Variants in RGS6 observed in about 807,000 individuals in gnomAD.
RGS6 encodes the protein regulator of G protein signaling 6.
Under a neutral mutation model 78.5 loss-of-function variants are expected in RGS6, and 30 were observed. The observed-to-expected ratio is 0.38, with a 90% confidence interval of 0.29 to 0.52. The LOEUF (loss-of-function observed/expected upper bound fraction) is 0.52, where lower values mean the gene tolerates loss of function less well. Among genes scored for constraint, RGS6 ranks in the 20% least tolerant of loss-of-function variants. RGS6 has a pLI of 0.85. For missense variants in RGS6, 495 were observed against 609.7 expected (o/e 0.81, Z 1.98); for synonymous variants, 206 against 206.0 (o/e 1.00, Z 0.00).
At chr14:72,384,264 A>G (rs1375036368) in intron 3 of RGS6, among the ~76,000 whole-genome samples, 2 of 152,222 alleles carry the variant, frequency 1.3e-5, no homozygotes, top group Admixed American at 6.5e-5. Flanking sequence ...TGGAGTTTAT[A>G]TTTGCATTTT....
rs546696186 is a variant in RGS6, at chr14:72,178,716, G to T, written c.85-173379G>T. Among the ~76,000 whole-genome samples the T allele has an allele frequency of 6.6e-4, 101 of 152,316 alleles. 1 individual carries two copies. The highest frequency in any genetic ancestry group is 6.3e-4 in the Non-Finnish European group (43 of 68,028). ...TACTGACGCATTACTGACACCTAGG[G>T]ATAGGCTACCTAAATTGCAGGGTCG... On this transcript the variant is annotated intron_variant, in intron 2 of 17. Coordinates refer to ENST00000553525, the MANE Select transcript of RGS6 (RefSeq NM_001204424.2).
intron 3 of RGS6, among the ~76,000 whole-genome samples, chr14:72,412,779 T>A (rs1388861189): frequency 1.3e-5 from 2 of 152,118 alleles, no homozygotes; most frequent in Non-Finnish European, 2.9e-5. Context: ...CTTTGTTCTC[T>A]TTGGTTTCAA....
intron 2 of RGS6, among the ~76,000 whole-genome samples, chr14:72,158,674 C>T (rs1324807282): frequency 1.3e-5 from 2 of 152,116 alleles, no homozygotes; most frequent in African/African-American, 4.8e-5. Context: ...AGATAATTTC[C>T]GTAAACATGC....
At position 72,562,980 on chromosome 14, in the gene RGS6, G is replaced by A; in HGVS notation, c.*513G>A. The A allele has an allele frequency of 1.7e-6, 1 of 591,298 alleles. No individual in the cohort carries two copies. The highest frequency in any genetic ancestry group is 2.8e-5 in the East Asian group (1 of 35,388). The allele number at this position is 591,298 out of a possible 1,614,324, so 36.6% of individuals were successfully genotyped here. A position where few individuals can be genotyped will look rare whatever the true frequency, so the allele number is the denominator to read the frequency against. ...GCCGCCTGTCATCCCTCACGTCTCTGTGGCCACCCGGGTGTCACTGCCAGC... is the reference window on the plus strand; with the variant it reads ...GCCGCCTGTCATCCCTCACGTCTCTATGGCCACCCGGGTGTCACTGCCAGC... On this transcript the variant is annotated 3_prime_UTR_variant, in exon 18 of 18. Coordinates refer to ENST00000553525, the MANE Select transcript of RGS6 (RefSeq NM_001204424.2).
chr14:71,882,376 C>A, the RGS6 span, among the ~76,000 whole-genome samples: 1 of 152,208 alleles, frequency 6.6e-6, no homozygotes, highest in South Asian at 2.1e-4. Flanking sequence ...ATTTAGGTTG[C>A]TTCCCCCTTT....
chr14:72,249,193 C>T (rs901876634), intron 2 of RGS6, among the ~76,000 whole-genome samples: 5 of 152,028 alleles, frequency 3.3e-5, no homozygotes, highest in African/African-American at 1.2e-4. Context: ...AGTCTTCAGG[C>T]TTAAATACCA....
chr14:71,939,944 G>A (rs528058703), intron 1 of RGS6, among the ~76,000 whole-genome samples: 7 of 152,244 alleles, frequency 4.6e-5, no homozygotes, highest in South Asian at 4.2e-4. Context: ...CATAATAGCC[G>A]TCACCCTACT....
chr14:72,252,094 A>G (rs543894855), intron 2 of RGS6, among the ~76,000 whole-genome samples: 2 of 152,322 alleles, frequency 1.3e-5, no homozygotes, highest in Non-Finnish European at 2.9e-5. Flanking sequence ...AGATGGATGC[A>G]CTTGTGCTTT....
intron 3 of RGS6, among the ~76,000 whole-genome samples, chr14:72,381,457 A>G (rs2086079169): frequency 6.6e-6 from 1 of 152,154 alleles, no homozygotes; most frequent in Non-Finnish European, 1.5e-5. Context: ...TAAAACAACT[A>G]GAAATAAAAG....
At chr14:71,984,043 C>T (rs1264719732) in intron 2 of RGS6, among the ~76,000 whole-genome samples, 3 of 152,060 alleles carry the variant, frequency 2.0e-5, no homozygotes, top group Non-Finnish European at 4.4e-5. Flanking sequence ...AAGAGTGATG[C>T]AGAACTCAGG....
At chr14:72,613,025 TG>T in the RGS6 span, among the ~76,000 whole-genome samples, 1 of 151,722 alleles carries the variant, frequency 6.6e-6, no homozygotes, top group Non-Finnish European at 1.5e-5. Context: ...TGTGTGTGTG[TG>T]TGTGTATGTG....
intron 3 of RGS6, among the ~76,000 whole-genome samples, chr14:72,362,321 AT>A (rs1484137056): frequency 6.6e-6 from 1 of 152,208 alleles, no homozygotes; most frequent in African/African-American, 2.4e-5. Flanking sequence ...TGTCTAGAAT[AT>A]TTCTCTGAGA....
rs142284053 is a variant in RGS6 at position 72,084,120 on chromosome 14, A to T, written c.84+119245A>T. On this transcript the variant is annotated intron_variant, in intron 2 of 17. Transcript: ENST00000553525. ...CTAAGGACAAGTTTTGTGGAAGACA[A>T]TTTTTCCCTGGATCTTGAGGGGAGG... Among the ~76,000 whole-genome samples, 657 of 152,232 alleles carry T rather than the reference A, an allele frequency of 4.3e-3. 4 individuals carry two copies. Among genetic ancestry groups the T allele is most frequent in the African/African-American group, 0.014 (602 of 41,526 alleles).
At chr14:72,427,883 A>T (rs2094490738) in intron 3 of RGS6, among the ~76,000 whole-genome samples, 1 of 152,198 alleles carries the variant, frequency 6.6e-6, no homozygotes, top group African/African-American at 2.4e-5. Context: ...AGCCAAAATA[A>T]TCAGGAATTT....
chr14:72,404,456 C>A (rs957659584), intron 3 of RGS6, among the ~76,000 whole-genome samples: 1 of 152,154 alleles, frequency 6.6e-6, no homozygotes, highest in African/African-American at 2.4e-5. Context: ...TGAGAACCAC[C>A]CTTTACCCCA....
intron 2 of RGS6, among the ~76,000 whole-genome samples, chr14:71,988,008 G>A (rs2094794716): frequency 1.3e-5 from 2 of 151,970 alleles, no homozygotes; most frequent in Non-Finnish European, 2.9e-5. Context: ...ACTCTGCCAA[G>A]GCCTCTCTTT....
intron 3 of RGS6, among the ~76,000 whole-genome samples, chr14:72,423,520 G>T (rs1398993285): frequency 6.6e-6 from 1 of 152,212 alleles, no homozygotes; most frequent in Non-Finnish European, 1.5e-5. Flanking sequence ...ATTCTTCACA[G>T]CAACAGGAAT....
intron 2 of RGS6, among the ~76,000 whole-genome samples, chr14:71,984,018 C>G (rs151320092): frequency 6.4e-4 from 98 of 152,254 alleles, no homozygotes; most frequent in Middle Eastern, 3.4e-3. Context: ...ACTTTACTGT[C>G]CAACTGGGGA....
At chr14:71,989,156 G>A (rs1194989139) in intron 2 of RGS6, among the ~76,000 whole-genome samples, 1 of 152,244 alleles carries the variant, frequency 6.6e-6, no homozygotes, top group Admixed American at 6.5e-5. Context: ...CACGTGAATT[G>A]CTCACACTGA....
Sources: gnomAD v4.1 joint callset for allele counts (sites outside exome capture counted in the v4.1 genomes callset) on GRCh38, gnomAD v4.1.1 for gene constraint, MANE v1.5 for transcripts, NCBI Gene and HGNC (gene_info 2026-07-23, HGNC 2026-07-21) for gene names.